The following RBM47 variants were observed in gnomAD, a reference collection of about 807,000 sequenced individuals.
RBM47 encodes the protein RNA-binding protein 47.
In RBM47, 21 loss-of-function variants were observed where a neutral mutation model predicts 47.1. The ratio of observed to expected loss-of-function variants is 0.45; its 90% CI spans 0.32 to 0.64. The LOEUF is 0.64. Ranked by LOEUF, RBM47 falls within the 30% of genes least tolerant of loss-of-function variation. The probability of loss-of-function intolerance (pLI) is 0.05; values close to 1 mark genes in which losing one functional copy is unlikely to be tolerated. For missense variants in RBM47, 708 were observed against 870.9 expected (o/e 0.81, Z 2.35); for synonymous variants, 375 against 361.7 (o/e 1.04, Z -0.42).
intron 2 of RBM47, among the ~76,000 whole-genome samples, chr4:40,534,135 T>C (rs1240838137): frequency 6.6e-6 from 1 of 151,538 alleles, no homozygotes; most frequent in East Asian, 1.9e-4. Context: ...TATTTTTTAA[T>C]TTATTTTTTT....
intron 2 of RBM47, among the ~76,000 whole-genome samples, chr4:40,495,002 TC>T (rs1722380151): frequency 6.6e-6 from 1 of 152,152 alleles, no homozygotes; most frequent in Non-Finnish European, 1.5e-5. Context: ...GATGGGAGTC[TC>T]ACTATGTTGC....
intron 1 of RBM47, among the ~76,000 whole-genome samples, chr4:40,590,596 T>C (rs1308441594): frequency 6.6e-6 from 1 of 152,196 alleles, no homozygotes; most frequent in Non-Finnish European, 1.5e-5. Flanking sequence ...AGCTTTGTTG[T>C]GGTTATCTTA....
At chr4:40,555,401 G>A (rs1375456177) in intron 1 of RBM47, among the ~76,000 whole-genome samples, 2 of 152,186 alleles carry the variant, frequency 1.3e-5, no homozygotes, top group African/African-American at 4.8e-5. Flanking sequence ...ACTCTCTACA[G>A]CCTTCGTTTC....
At chr4:40,535,839 T>A (rs1456191181) in intron 2 of RBM47, among the ~76,000 whole-genome samples, 1 of 152,142 alleles carries the variant, frequency 6.6e-6, no homozygotes, top group East Asian at 1.9e-4. Flanking sequence ...ATTACAGGCA[T>A]GAGCCACCAC....
At chr4:40,506,176 C>A (rs1724078457) in intron 2 of RBM47, among the ~76,000 whole-genome samples, 1 of 152,082 alleles carries the variant, frequency 6.6e-6, no homozygotes, top group African/African-American at 2.4e-5. Context: ...GAATAAAAGT[C>A]TTTGTTTTGT....
At chr4:40,527,309 C>T (rs1000212886) in intron 2 of RBM47, among the ~76,000 whole-genome samples, 14 of 148,968 alleles carry the variant, frequency 9.4e-5, no homozygotes, top group East Asian at 7.9e-4. Flanking sequence ...TTTTTTAAGA[C>T]GGAATCTAGC....
intron 2 of RBM47, among the ~76,000 whole-genome samples, chr4:40,514,938 G>C (rs1725395349): frequency 6.6e-6 from 1 of 152,006 alleles, no homozygotes; most frequent in African/African-American, 2.4e-5. Flanking sequence ...ACTGTCAAAG[G>C]CAAGAGTTAA....
chr4:40,611,237 T>G (rs547078333), intron 1 of RBM47, among the ~76,000 whole-genome samples: 2 of 152,340 alleles, frequency 1.3e-5, no homozygotes, highest in African/African-American at 4.8e-5. Flanking sequence ...GATGGATAAA[T>G]GAATATCTCT....
chr4:40,591,538 T>C (rs1734133294), intron 1 of RBM47, among the ~76,000 whole-genome samples: 2 of 151,670 alleles, frequency 1.3e-5, no homozygotes, highest in Non-Finnish European at 2.9e-5. Flanking sequence ...CAACTAAAAA[T>C]ACAAAATTAG....
chr4:40,457,729 C>T (rs1330140039), intron 3 of RBM47, among the ~76,000 whole-genome samples: 2 of 152,152 alleles, frequency 1.3e-5, no homozygotes, highest in South Asian at 2.1e-4. Flanking sequence ...GTCACTGTGC[C>T]CAGCCAAGGG....
intron 5 of RBM47, among the ~76,000 whole-genome samples, chr4:40,435,496 C>T (rs955458547): frequency 2.0e-5 from 3 of 151,998 alleles, no homozygotes; most frequent in African/African-American, 4.8e-5. Context: ...TGCAGTGTGC[C>T]GAGATCATGC....
At chr4:40,434,962 C>T (rs1348108110) in intron 5 of RBM47, among the ~76,000 whole-genome samples, 1 of 152,114 alleles carries the variant, frequency 6.6e-6, no homozygotes, top group African/African-American at 2.4e-5. Context: ...CAATTACCCA[C>T]GGACTGAGCT....
chr4:40,583,674 C>T (rs911216361), intron 1 of RBM47, among the ~76,000 whole-genome samples: 9 of 151,166 alleles, frequency 6.0e-5, no homozygotes, highest in Admixed American at 2.6e-4. Context: ...CTGGCTAACA[C>T]GGTGAAACCC....
chr4:40,431,078 C>A (rs1715914519), intron 6 of RBM47, among the ~76,000 whole-genome samples: 1 of 150,038 alleles, frequency 6.7e-6, no homozygotes, highest in Non-Finnish European at 1.5e-5. Context: ...TCAAAAAAAT[C>A]AAAAATCAAA....
rs542767745 is a variant in RBM47, at chr4:40,593,155, A to C, written c.-240+36241T>G. Among the ~76,000 whole-genome samples the C allele has an allele frequency of 3.1e-3, 465 of 147,712 alleles. 3 individuals are homozygous for C. Among genetic ancestry groups the C allele is most frequent in the African/African-American group, 0.011 (437 of 40,508 alleles). ...GACTACAGGCGCCCGCGACCACGCC[A>C]GGCTAATTTTTTTTTTGTATTTTTA... is the stretch of plus-strand genomic sequence containing the variant. On this transcript the variant is annotated intron_variant, in intron 1 of 6. Transcript: ENST00000295971.
At chr4:40,602,425 A>G (rs142733826) in intron 1 of RBM47, among the ~76,000 whole-genome samples, 1,967 of 151,708 alleles carry the variant, frequency 0.013, 42 homozygotes, top group African/African-American at 0.045. Context: ...CGAGGCGGGC[A>G]GATCATGAGG....
At chr4:40,474,422 G>T (rs982704214) in intron 2 of RBM47, among the ~76,000 whole-genome samples, 9 of 152,134 alleles carry the variant, frequency 5.9e-5, no homozygotes, top group African/African-American at 2.2e-4. Context: ...GAGAATGGCA[G>T]ACGTCTTACA....
intron 1 of RBM47, among the ~76,000 whole-genome samples, chr4:40,585,451 T>C (rs1365065569): frequency 2.0e-5 from 3 of 152,200 alleles, no homozygotes; most frequent in Non-Finnish European, 2.9e-5. Context: ...CCATAAATAT[T>C]CCTAATTGTT....
rs550866485 is a variant in RBM47, at chr4:40,480,751, C to T, written c.-154-14052G>A. 4.4e-4 allele frequency among the ~76,000 whole-genome samples: 67 copies of T among 152,250 alleles called. 1 individual carries two copies. The highest frequency in any genetic ancestry group is 1.6e-3 in the African/African-American group (65 of 41,550). ...TATGGCGATCCCTTTCTGTCTGTCC[C>T]TCTAACACAGCAAAATGTAGCATCT... On this transcript the variant is annotated intron_variant, in intron 2 of 6. Transcript: ENST00000295971.
Sources: gnomAD v4.1 joint callset for allele counts (sites outside exome capture counted in the v4.1 genomes callset) on GRCh38, gnomAD v4.1.1 for gene constraint, MANE v1.5 for transcripts, NCBI Gene and HGNC (gene_info 2026-07-23, HGNC 2026-07-21) for gene names.